HS3ST2: variants seen among roughly 807,000 people sequenced by gnomAD.
HS3ST2 encodes the protein heparan sulfate-glucosamine 3-sulfotransferase 2.
A neutral mutation model predicts 26.3 loss-of-function variants in HS3ST2; 17 were observed. The observed-to-expected ratio is 0.65, with a 90% CI of 0.44 to 0.97. The LOEUF (loss-of-function observed/expected upper bound fraction) is 0.97, where lower values mean the gene tolerates loss of function less well. HS3ST2 is among the 50% of genes least tolerant of loss of function. The probability of loss-of-function intolerance (pLI) is 0.00; values close to 1 mark genes in which losing one functional copy is unlikely to be tolerated. For synonymous variants in HS3ST2, 237 were observed against 219.2 expected, an observed-to-expected ratio of 1.08 and a Z score of -0.72; for missense variants, 402 against 501.2, an observed-to-expected ratio of 0.80 and a Z score of 1.89.
intron 1 of HS3ST2, among the ~76,000 whole-genome samples, chr16:22,880,519 C>T (rs1485777406): frequency 6.6e-6 from 1 of 152,180 alleles, no homozygotes. Context: ...CAGATATATA[C>T]ATCTGTTGTC....
At chr16:22,862,315 G>A (rs1332143993) in intron 1 of HS3ST2, among the ~76,000 whole-genome samples, 1 of 143,634 alleles carries the variant, frequency 7.0e-6, no homozygotes, top group Admixed American at 7.3e-5. Flanking sequence ...CAGAAGCAAA[G>A]GTTGCAAACC....
chr16:22,824,311 G>A (rs1901048146), intron 1 of HS3ST2, among the ~76,000 whole-genome samples: 1 of 152,212 alleles, frequency 6.6e-6, no homozygotes, highest in Non-Finnish European at 1.5e-5. Flanking sequence ...CACTTTGGGA[G>A]GCTGAGGCAG....
At chr16:22,832,381 T>A (rs1014002036) in intron 1 of HS3ST2, among the ~76,000 whole-genome samples, 1 of 152,028 alleles carries the variant, frequency 6.6e-6, no homozygotes, top group African/African-American at 2.4e-5. Flanking sequence ...CCTACACCCC[T>A]CAACAGAATG....
intron 1 of HS3ST2, among the ~76,000 whole-genome samples, chr16:22,849,724 T>C (rs1487759361): frequency 2.0e-5 from 3 of 152,186 alleles, no homozygotes; most frequent in Non-Finnish European, 2.9e-5. Flanking sequence ...AGGCAAGGCT[T>C]GATTCAGGAC....
At position 22,827,721 on chromosome 16, in the gene HS3ST2, T is replaced by C. The variant is rs183264083; in HGVS notation, c.485+12626T>C. On this transcript the variant is annotated intron_variant, in intron 1 of 1. Transcript: ENST00000261374. ...TTCTTTCTTTCTTTCTTTTTTTTTT[T>C]TTTTTTTTGAGACAAGGTCTTGCTC... 3.8e-4 allele frequency among the ~76,000 whole-genome samples: 57 copies of C among 149,078 alleles called. No homozygotes were observed. The East Asian group carries it at 7.8e-3, about 20-fold the overall frequency.
intron 1 of HS3ST2, among the ~76,000 whole-genome samples, chr16:22,859,598 A>G (rs963766216): frequency 2.0e-5 from 3 of 152,176 alleles, no homozygotes; most frequent in African/African-American, 7.2e-5. Flanking sequence ...TCTTGGGCCA[A>G]AGGGGTTCTT....
intron 1 of HS3ST2, among the ~76,000 whole-genome samples, chr16:22,837,672 A>C (rs1238875504): frequency 6.6e-6 from 1 of 151,294 alleles, no homozygotes; most frequent in Non-Finnish European, 1.5e-5. Flanking sequence ...TATCTATGAT[A>C]AAGTTTAAGC....
At position 22,888,812 on chromosome 16, in the gene HS3ST2, G is replaced by T. The variant is rs371113862; in HGVS notation, c.486-26132G>T. ...GATGTAGATTTAACCAAATTAATGT[G>T]GGCTTAACTGAGGCACTCTTGCACT... On this transcript the variant is annotated intron_variant, in intron 1 of 1. Coordinates refer to ENST00000261374, the MANE Select transcript of HS3ST2 (RefSeq NM_006043.2). 7.9e-4 allele frequency among the ~76,000 whole-genome samples: 121 copies of T among 152,290 alleles called. 1 individual carries two copies. The East Asian group carries it at 0.021, about 26-fold the overall frequency.
At chr16:22,845,193 T>C (rs930442115) in intron 1 of HS3ST2, among the ~76,000 whole-genome samples, 7 of 147,462 alleles carry the variant, frequency 4.7e-5, no homozygotes, top group Non-Finnish European at 1.0e-4. Flanking sequence ...TCTCAAGTAC[T>C]TCTTTATAGC....
intron 1 of HS3ST2, chr16:22,833,340 T>G (rs893785393): frequency 2.2e-6 from 1 of 455,764 alleles, no homozygotes; most frequent in African/African-American, 2.0e-5. Context: ...TGAAGCTACC[T>G]GGACTGGAGA....
intron 1 of HS3ST2, among the ~76,000 whole-genome samples, chr16:22,854,292 A>G (rs1901559739): frequency 6.6e-6 from 1 of 152,188 alleles, no homozygotes; most frequent in African/African-American, 2.4e-5. Context: ...GAGTATTTAT[A>G]GAGTTCTTTT....
chr16:22,832,419 C>A (rs1901184797), intron 1 of HS3ST2, among the ~76,000 whole-genome samples: 1 of 152,096 alleles, frequency 6.6e-6, no homozygotes, highest in African/African-American at 2.4e-5. Context: ...AGAGACCCAG[C>A]CCTCACATTT....
intron 1 of HS3ST2, among the ~76,000 whole-genome samples, chr16:22,888,373 C>CTTTTTTTT (rs1165585404): frequency 2.4e-4 from 15 of 61,294 alleles, no homozygotes; most frequent in Non-Finnish European, 2.8e-4. Flanking sequence ...TCTGGCTTTT[C>CTTTTTTTT]TTTTTTTTTT....
At chr16:22,913,150 G>GAAA in intron 1 of HS3ST2, among the ~76,000 whole-genome samples, 1 of 100,088 alleles carries the variant, frequency 1.0e-5, no homozygotes, top group Non-Finnish European at 2.1e-5. Flanking sequence ...AAGGAAGGAA[G>GAAA]GGAGGGAGGG....
chr16:22,875,526 G>T (rs1052178625), intron 1 of HS3ST2, among the ~76,000 whole-genome samples: 13 of 152,226 alleles, frequency 8.5e-5, no homozygotes, highest in Non-Finnish European at 1.3e-4. Flanking sequence ...GATTACAGGT[G>T]CCCGCCACCA....
At chr16:22,840,982 A>G (rs939596213) in intron 1 of HS3ST2, among the ~76,000 whole-genome samples, 3 of 99,356 alleles carry the variant, frequency 3.0e-5, no homozygotes, top group African/African-American at 1.2e-4. Context: ...ACCCCACAAC[A>G]GGCCCCAGTG....
At chr16:22,879,579 T>C (rs1901961416) in intron 1 of HS3ST2, among the ~76,000 whole-genome samples, 1 of 152,152 alleles carries the variant, frequency 6.6e-6, no homozygotes, top group Non-Finnish European at 1.5e-5. Context: ...CCGAGTGAGC[T>C]GGCCCCACTT....
intron 1 of HS3ST2, among the ~76,000 whole-genome samples, chr16:22,881,012 A>G (rs188720005): frequency 2.0e-5 from 3 of 152,236 alleles, no homozygotes; most frequent in Admixed American, 2.0e-4. Context: ...ATGTGTGGCA[A>G]TACATTCCCT....
intron 1 of HS3ST2, among the ~76,000 whole-genome samples, chr16:22,910,974 G>C (rs1402500331): frequency 6.6e-6 from 1 of 152,140 alleles, no homozygotes; most frequent in East Asian, 1.9e-4. Context: ...TAGTGTCATG[G>C]GTGACTAGCT....
Sources: allele counts gnomAD v4.1 joint callset (sites outside exome capture counted in the v4.1 genomes callset), GRCh38; gene constraint gnomAD v4.1.1; transcripts MANE v1.5; gene names NCBI Gene and HGNC (gene_info 2026-07-23, HGNC 2026-07-21).